Variants in MAD1L1 observed in about 807,000 individuals in gnomAD.
MAD1L1 encodes mitotic spindle assembly checkpoint protein MAD1.
Under a neutral mutation model 96.9 loss-of-function variants are expected in MAD1L1, and 95 were observed. The ratio of observed to expected loss-of-function variants is 0.98; its 90% CI spans 0.83 to 1.16. The LOEUF (loss-of-function observed/expected upper bound fraction) is 1.16. MAD1L1 is among the 50% of genes most tolerant of loss of function. The probability of loss-of-function intolerance (pLI) is 0.00; values close to 1 mark genes in which losing one functional copy is unlikely to be tolerated. For missense variants in MAD1L1, 1,007 were observed against 954.4 expected, an observed-to-expected ratio of 1.06 and a Z score of -0.73; for synonymous variants, 473 against 396.6, an observed-to-expected ratio of 1.19 and a Z score of -2.29.
At chr7:1,946,407 C>T (rs917506801) in intron 16 of MAD1L1, among the ~76,000 whole-genome samples, 5 of 152,210 alleles carry the variant, frequency 3.3e-5, no homozygotes, top group Admixed American at 6.5e-5. Context: ...TTGCTGGAAT[C>T]GGCTGTTAGC....
At chr7:1,996,189 C>T (rs1449058876) in intron 14 of MAD1L1, among the ~76,000 whole-genome samples, 2 of 149,420 alleles carry the variant, frequency 1.3e-5, no homozygotes, top group African/African-American at 4.9e-5. Flanking sequence ...GCTGGGCGGG[C>T]AGGGTCCCCC....
chr7:2,160,524 G>A (rs913603624), intron 10 of MAD1L1, among the ~76,000 whole-genome samples: 3 of 144,570 alleles, frequency 2.1e-5, no homozygotes, highest in Non-Finnish European at 4.6e-5. Flanking sequence ...TAGTAAAGAC[G>A]GGGTTTCACT....
At chr7:2,025,056 G>C (rs1782941489) in intron 12 of MAD1L1, among the ~76,000 whole-genome samples, 1 of 152,196 alleles carries the variant, frequency 6.6e-6, no homozygotes, top group African/African-American at 2.4e-5. Context: ...TAATGTGTCA[G>C]TACTGGTTCA....
chr7:2,074,490 G>T lies in MAD1L1; in HGVS notation c.1074-5152C>A, dbSNP rs990528722. Among the ~76,000 whole-genome samples, 13 of 152,314 alleles carry T rather than the reference G, an allele frequency of 8.5e-5. No individual in the cohort carries two copies. In the South Asian group the frequency reaches 1.0e-3, roughly 12 times the overall value. Reference sequence around the variant, plus strand: ...TGGTGTCTGCATGGGGACCCTGGAGGGCCTGGACCCAGGCCTCTGAGAACA... The same window carrying T: ...TGGTGTCTGCATGGGGACCCTGGAGTGCCTGGACCCAGGCCTCTGAGAACA... On this transcript the variant is annotated intron_variant, in intron 11 of 18. Transcript: ENST00000265854.
chr7:2,222,738 T>C lies in MAD1L1; in HGVS notation c.308A>G (p.Asn103Ser), dbSNP rs1793676105. Residue 103 changes from asparagine to serine, a missense_variant, in exon 5 of 19, where the codon AAC (asparagine) becomes AGC (serine). Coordinates refer to ENST00000265854, the MANE Select transcript of MAD1L1 (RefSeq NM_001013836.2). ...ARNYEREVDRNQELLTRIRQL... is the reference protein window; with the variant it reads ...ARNYEREVDRSQELLTRIRQL... ...CCGGATGCGCGTCAGGAGCTCCTGG[T>C]TGCGGTCGACCTCACGCTGTTAAGA... 1.2e-6 allele frequency: 2 copies of C among 1,603,308 alleles called. No homozygotes were observed. Among genetic ancestry groups the C allele is most frequent in the Non-Finnish European group, 1.7e-6 (2 of 1,178,712 alleles).
intron 18 of MAD1L1, among the ~76,000 whole-genome samples, chr7:1,895,656 T>C (rs1028248312): frequency 2.0e-5 from 3 of 152,144 alleles, no homozygotes; most frequent in African/African-American, 4.8e-5. Flanking sequence ...GCAGGCATGG[T>C]GGGTGGCCGG....
At chr7:1,945,137 G>A (rs1440758278) in intron 16 of MAD1L1, among the ~76,000 whole-genome samples, 1 of 152,182 alleles carries the variant, frequency 6.6e-6, no homozygotes, top group Non-Finnish European at 1.5e-5. Flanking sequence ...CGGTGCCTCG[G>A]CGCCCGCTCA....
At chr7:1,840,707 C>T (rs1454287945) in intron 18 of MAD1L1, among the ~76,000 whole-genome samples, 2 of 152,218 alleles carry the variant, frequency 1.3e-5, no homozygotes, top group Admixed American at 6.5e-5. Flanking sequence ...CCAGCCTGGG[C>T]AACAGAATGA....
At chr7:2,128,867 C>G (rs1454313779) in intron 11 of MAD1L1, among the ~76,000 whole-genome samples, 1 of 152,238 alleles carries the variant, frequency 6.6e-6, no homozygotes, top group Non-Finnish European at 1.5e-5. Context: ...ACACTGCAGT[C>G]TCTCTGCTCC....
chr7:2,135,521 G>C (rs1385184356), intron 11 of MAD1L1, among the ~76,000 whole-genome samples: 1 of 152,150 alleles, frequency 6.6e-6, no homozygotes, highest in African/African-American at 2.4e-5. Flanking sequence ...GGTAAATACT[G>C]ATAGTTATGA....
chr7:1,836,817 A>G (rs535648150), intron 18 of MAD1L1, among the ~76,000 whole-genome samples: 1 of 152,328 alleles, frequency 6.6e-6, no homozygotes, highest in East Asian at 1.9e-4. Flanking sequence ...AAAAAACTCA[A>G]AATGGATCAT....
chr7:2,102,831 C>T (rs1452364991), intron 11 of MAD1L1, among the ~76,000 whole-genome samples: 1 of 152,210 alleles, frequency 6.6e-6, no homozygotes, highest in East Asian at 1.9e-4. Context: ...CAGGACCACT[C>T]TCCACGCCAT....
intron 11 of MAD1L1, among the ~76,000 whole-genome samples, chr7:2,076,586 G>A (rs188061174): frequency 1.2e-4 from 19 of 152,322 alleles, no homozygotes; most frequent in Non-Finnish European, 1.8e-4. Context: ...ATGGGCATGG[G>A]GTCACACCGA....
chr7:2,129,222 A>T (rs1788389814), intron 11 of MAD1L1, among the ~76,000 whole-genome samples: 1 of 152,230 alleles, frequency 6.6e-6, no homozygotes, highest in South Asian at 2.1e-4. Context: ...GGCAGCTCAC[A>T]TGTGCAGCAG....
intron 3 of MAD1L1, among the ~76,000 whole-genome samples, chr7:2,226,800 G>A (rs1043293706): frequency 6.6e-6 from 1 of 152,116 alleles, no homozygotes; most frequent in Non-Finnish European, 1.5e-5. Flanking sequence ...GACCAGCCTG[G>A]CCAACATGGG....
At chr7:1,919,295 C>T (rs11971646) in intron 17 of MAD1L1, among the ~76,000 whole-genome samples, 7,537 of 152,324 alleles carry the variant, frequency 0.049, 276 homozygotes, top group Admixed American at 0.1. Context: ...GCTCCCAGGC[C>T]GTCCAACACG....
chr7:1,938,932 C>T (rs1357623071), intron 16 of MAD1L1, among the ~76,000 whole-genome samples: 2 of 121,304 alleles, frequency 1.6e-5, no homozygotes, highest in African/African-American at 6.5e-5. Flanking sequence ...CACACACATA[C>T]AGGCCAGGAC....
intron 12 of MAD1L1, among the ~76,000 whole-genome samples, chr7:2,063,771 G>A (rs556683599): frequency 6.6e-6 from 1 of 152,336 alleles, no homozygotes; most frequent in East Asian, 1.9e-4. Flanking sequence ...TGGCCAGGGT[G>A]CGGCCACCAG....
chr7:1,963,704 G>A (rs1339335061), intron 15 of MAD1L1, among the ~76,000 whole-genome samples: 3 of 152,234 alleles, frequency 2.0e-5, no homozygotes, highest in Non-Finnish European at 4.4e-5. Flanking sequence ...AAGTGTCTCT[G>A]TCATCCCAGC....
Sources: gnomAD v4.1 joint callset for allele counts (sites outside exome capture counted in the v4.1 genomes callset) on GRCh38, gnomAD v4.1.1 for gene constraint, MANE v1.5 for transcripts, NCBI Gene and HGNC (gene_info 2026-07-23, HGNC 2026-07-21) for gene names.